GPC6: variants seen among roughly 807,000 people sequenced by gnomAD.
GPC6 encodes glypican 6.
GPC6 carries 14 observed loss-of-function variants against 55.2 expected under a neutral mutation model. That is an observed-to-expected ratio of 0.25 (90% CI 0.17 to 0.40). The LOEUF (loss-of-function observed/expected upper bound fraction) is 0.40, where lower values mean the gene tolerates loss of function less well. GPC6 is among the 10% of genes least tolerant of loss of function. The probability of loss-of-function intolerance (pLI) is 1.00; values close to 1 mark genes in which losing one functional copy is unlikely to be tolerated. For synonymous variants in GPC6, 278 were observed against 259.6 expected, an observed-to-expected ratio of 1.07 and a Z score of -0.68; for missense variants, 641 against 708.5, an observed-to-expected ratio of 0.90 and a Z score of 1.08.
intron 2 of GPC6, among the ~76,000 whole-genome samples, chr13:93,551,544 C>T (rs1415231269): frequency 6.6e-6 from 1 of 152,114 alleles, no homozygotes. Context: ...ATGCTAATAT[C>T]GACAGGTGGA....
At chr13:94,394,247 T>A (rs1594237994) in intron 7 of GPC6, among the ~76,000 whole-genome samples, 1 of 152,238 alleles carries the variant, frequency 6.6e-6, no homozygotes, top group East Asian at 1.9e-4. Context: ...TGTGCTTGGC[T>A]GTTCATGAAT....
rs144583382 is a variant in GPC6, at chr13:93,419,402, A to G, written c.161-125861A>G. The stretch of plus-strand genomic sequence containing the variant: ...ATCTCCTTATATCGGTAATGTTTGT[A>G]GCAATTAAAATACTATGTTAATGCA... On this transcript the variant is annotated intron_variant, in intron 1 of 8. Transcript: ENST00000377047. Among the ~76,000 whole-genome samples the G allele has an allele frequency of 2.6e-3, 400 of 152,100 alleles. 3 individuals are homozygous for G. Among genetic ancestry groups the G allele is most frequent in the African/African-American group, 8.8e-3 (364 of 41,548 alleles).
intron 2 of GPC6, among the ~76,000 whole-genome samples, chr13:93,604,400 A>G (rs186012750): frequency 7.6e-4 from 116 of 152,248 alleles, no homozygotes; most frequent in Admixed American, 2.6e-3. Context: ...GCTTGCTACC[A>G]AGTATAGGAG....
intron 4 of GPC6, among the ~76,000 whole-genome samples, chr13:94,264,867 A>G (rs1196614709): frequency 6.6e-6 from 1 of 152,226 alleles, no homozygotes; most frequent in Non-Finnish European, 1.5e-5. Flanking sequence ...TGAAAGGCCT[A>G]TCTAACATGG....
intron 2 of GPC6, among the ~76,000 whole-genome samples, chr13:93,572,761 T>C (rs1876468969): frequency 6.6e-6 from 1 of 152,212 alleles, no homozygotes; most frequent in African/African-American, 2.4e-5. Flanking sequence ...ATATACTCTT[T>C]GTTAAGCCAG....
chr13:94,179,079 G>A (rs138596879), intron 4 of GPC6, among the ~76,000 whole-genome samples: 10 of 152,180 alleles, frequency 6.6e-5, no homozygotes, highest in African/African-American at 9.6e-5. Flanking sequence ...GGCTCAGATC[G>A]TCTCGTTTCT....
Position 94,103,211 on chromosome 13 carries a change from T to G in GPC6, c.877+75317T>G, listed in dbSNP as rs907967366. Among the ~76,000 whole-genome samples the G allele has an allele frequency of 4.6e-5, 7 of 152,328 alleles. No individual in the cohort carries two copies. The Middle Eastern group carries it at 0.01, about 222-fold the overall frequency. ...TTCATCCATGTCCCTACAAAGGACA[T>G]GAACTCATCCTTTTTTATGGCTGCA... On this transcript the variant is annotated intron_variant, in intron 4 of 8. Transcript: ENST00000377047.
At chr13:93,430,470 T>A (rs1336494822) in intron 1 of GPC6, among the ~76,000 whole-genome samples, 1 of 152,092 alleles carries the variant, frequency 6.6e-6, no homozygotes, top group Non-Finnish European at 1.5e-5. Context: ...AAAGAGGAAA[T>A]GACTTGGGAA....
chr13:94,014,188 A>C (rs1262249792), intron 3 of GPC6, among the ~76,000 whole-genome samples: 1 of 152,198 alleles, frequency 6.6e-6, no homozygotes, highest in Admixed American at 6.5e-5. Flanking sequence ...TGGAATTAGA[A>C]GGCCCCAAGG....
chr13:94,043,325 A>G (rs1883608905), intron 4 of GPC6, among the ~76,000 whole-genome samples: 1 of 151,860 alleles, frequency 6.6e-6, no homozygotes, highest in South Asian at 2.1e-4. Context: ...ACTACTTCAT[A>G]CATACTGACA....
intron 1 of GPC6, among the ~76,000 whole-genome samples, chr13:93,307,455 A>C (rs1324188483): frequency 3.3e-5 from 5 of 152,176 alleles, no homozygotes; most frequent in Non-Finnish European, 7.4e-5. Flanking sequence ...ATGGTTATTT[A>C]GTGTGCAAGG....
intron 2 of GPC6, among the ~76,000 whole-genome samples, chr13:93,552,000 C>T (rs1000743485): frequency 2.6e-5 from 4 of 152,010 alleles, no homozygotes; most frequent in Non-Finnish European, 5.9e-5. Context: ...GATTGTGCTG[C>T]GGCTGTCCTA....
rs71126406 is a variant in GPC6 at position 93,640,832 on chromosome 13, G to GTTCCTTCC, written c.319+95425_319+95432dup. Among the ~76,000 whole-genome samples the GTTCCTTCC allele has an allele frequency of 2.5e-3, 296 of 120,036 alleles. 5 individuals carry two copies. Among genetic ancestry groups the GTTCCTTCC allele is most frequent in the Admixed American group, 0.018 (201 of 11,134 alleles). The allele number at this position is 120,036 out of a possible 152,430, so 78.7% of individuals were successfully genotyped here. A position where few individuals can be genotyped will look rare whatever the true frequency, so the allele number is the denominator to read the frequency against. On this transcript the variant is annotated intron_variant, in intron 2 of 8. Coordinates refer to ENST00000377047, the MANE Select transcript of GPC6 (RefSeq NM_005708.5). The stretch of plus-strand genomic sequence containing the variant: ...CCTTCCTTCTTTCCTTCCTTCCTTT[G>GTTCCTTCC]TTCCTTCCTTCCTTCCTTCCTACCT...
intron 6 of GPC6, among the ~76,000 whole-genome samples, chr13:94,308,835 C>T (rs1340278009): frequency 1.3e-5 from 2 of 152,150 alleles, no homozygotes; most frequent in Non-Finnish European, 2.9e-5. Flanking sequence ...GAGTTAGGTC[C>T]AAAGCTAATA....
intron 7 of GPC6, among the ~76,000 whole-genome samples, chr13:94,396,858 C>T (rs1880918859): frequency 6.6e-6 from 1 of 152,128 alleles, no homozygotes; most frequent in African/African-American, 2.4e-5. Context: ...ACTGGGGCTC[C>T]AGAGCTAGAC....
intron 2 of GPC6, among the ~76,000 whole-genome samples, chr13:93,555,471 C>T (rs1300467849): frequency 6.6e-6 from 1 of 152,062 alleles, no homozygotes; most frequent in African/African-American, 2.4e-5. Flanking sequence ...TACTTATATT[C>T]CTATAATAAT....
In GPC6 at chr13:93,271,368, T is replaced by C. The variant is rs182537085; in HGVS notation, c.160+43752T>C. Among the ~76,000 whole-genome samples the C allele has an allele frequency of 1.9e-3, 287 of 152,246 alleles. 2 individuals are homozygous for C. Among genetic ancestry groups the C allele is most frequent in the African/African-American group, 6.1e-3 (254 of 41,534 alleles). On this transcript the variant is annotated intron_variant, in intron 1 of 8. Coordinates refer to ENST00000377047, the MANE Select transcript of GPC6 (RefSeq NM_005708.5). ...GCCCTCCCCCAAGACAGTGAAGGTA[T>C]TGTCTGGAAAACACTGAAGAAAAAC...
At chr13:94,307,036 T>C (rs1875980674) in intron 6 of GPC6, among the ~76,000 whole-genome samples, 1 of 152,238 alleles carries the variant, frequency 6.6e-6, no homozygotes, top group South Asian at 2.1e-4. Context: ...GTCACTGTTA[T>C]AAATTGCTTT....
At chr13:93,943,331 A>G (rs1320126693) in intron 3 of GPC6, among the ~76,000 whole-genome samples, 2 of 152,174 alleles carry the variant, frequency 1.3e-5, no homozygotes, top group Non-Finnish European at 2.9e-5. Flanking sequence ...CAAATGGCTC[A>G]ACAGAGTGGC....
Sources: allele counts gnomAD v4.1 joint callset (sites outside exome capture counted in the v4.1 genomes callset), GRCh38; gene constraint gnomAD v4.1.1; transcripts MANE v1.5; gene names NCBI Gene and HGNC (gene_info 2026-07-23, HGNC 2026-07-21).